Variants in AGTPBP1 observed in about 807,000 individuals in gnomAD.
AGTPBP1 encodes ATP/GTP binding carboxypeptidase 1.
A neutral mutation model predicts 143.9 loss-of-function variants in AGTPBP1; 70 were observed. That is an observed-to-expected ratio of 0.49 (90% CI 0.40 to 0.59). The LOEUF (loss-of-function observed/expected upper bound fraction) is 0.59, where lower values mean the gene tolerates loss of function less well. AGTPBP1 is among the 20% of genes least tolerant of loss of function. The probability of loss-of-function intolerance (pLI) is 0.00; values close to 1 mark genes in which losing one functional copy is unlikely to be tolerated. For missense variants in AGTPBP1, 1,229 were observed against 1,464.5 expected, an observed-to-expected ratio of 0.84 and a Z score of 2.62; for synonymous variants, 463 against 500.2, an observed-to-expected ratio of 0.93 and a Z score of 0.99.
chr9:85,758,237 A>G, the AGTPBP1 span, among the ~76,000 whole-genome samples: 1 of 152,238 alleles, frequency 6.6e-6, no homozygotes, highest in Non-Finnish European at 1.5e-5. Context: ...GAGATAGAAC[A>G]AGAAGCTGAA....
At chr9:85,765,217 T>G in the AGTPBP1 span, 1 of 251,150 alleles carries the variant, frequency 4.0e-6, no homozygotes, top group Non-Finnish European at 7.8e-6. Context: ...GGGTTTCTCG[T>G]CTGAAATCAC....
the AGTPBP1 span, among the ~76,000 whole-genome samples, chr9:85,790,746 T>C: frequency 6.6e-6 from 1 of 152,228 alleles, no homozygotes; most frequent in African/African-American, 2.4e-5. Flanking sequence ...TATGTTCTAC[T>C]GGTTAATTGT....
chr9:85,656,064 T>C (rs1833491045), intron 10 of AGTPBP1, among the ~76,000 whole-genome samples: 1 of 152,198 alleles, frequency 6.6e-6, no homozygotes, highest in African/African-American at 2.4e-5. Context: ...TCTGACCTCG[T>C]GATCCGCCCG....
chr9:85,617,715 A>G (rs1830673735), intron 17 of AGTPBP1, among the ~76,000 whole-genome samples: 1 of 152,188 alleles, frequency 6.6e-6, no homozygotes, highest in Non-Finnish European at 1.5e-5. Context: ...AAACCTCTAG[A>G]GTTAGACTGA....
intron 17 of AGTPBP1, among the ~76,000 whole-genome samples, chr9:85,598,447 A>G (rs1829437958): frequency 6.6e-6 from 1 of 152,166 alleles, no homozygotes; most frequent in South Asian, 2.1e-4. Context: ...TGTTGATTAT[A>G]TTATTCAAAT....
At chr9:85,780,622 G>T in the AGTPBP1 span, among the ~76,000 whole-genome samples, 1 of 151,460 alleles carries the variant, frequency 6.6e-6, no homozygotes, top group African/African-American at 2.4e-5. Context: ...GGTCTAGTTG[G>T]TAGCTACTGC....
At chr9:85,570,822 C>G (rs192641810) in intron 25 of AGTPBP1, among the ~76,000 whole-genome samples, 25 of 152,280 alleles carry the variant, frequency 1.6e-4, no homozygotes, top group African/African-American at 5.5e-4. Flanking sequence ...AAAGCTCCCT[C>G]CCTTTGGATT....
At chr9:85,759,742 G>A in the AGTPBP1 span, among the ~76,000 whole-genome samples, 2 of 152,148 alleles carry the variant, frequency 1.3e-5, no homozygotes, top group African/African-American at 2.4e-5. Context: ...ACATTCAAAA[G>A]CTAGCAGAAG....
chr9:85,693,292 T>A (rs1490953761), intron 2 of AGTPBP1, among the ~76,000 whole-genome samples: 1 of 152,156 alleles, frequency 6.6e-6, no homozygotes, highest in Non-Finnish European at 1.5e-5. Flanking sequence ...TCCCTGTTCC[T>A]ATTTATCATA....
At chr9:85,635,808 T>C (rs535616798) in intron 13 of AGTPBP1, among the ~76,000 whole-genome samples, 10 of 149,862 alleles carry the variant, frequency 6.7e-5, no homozygotes, top group Non-Finnish European at 1.3e-4. Context: ...ATATAGGTCC[T>C]AGAAACACTC....
intron 2 of AGTPBP1, among the ~76,000 whole-genome samples, chr9:85,701,908 A>G (rs1564161635): frequency 6.6e-6 from 1 of 152,226 alleles, no homozygotes; most frequent in Non-Finnish European, 1.5e-5. Context: ...GCCTGTTTTT[A>G]TCTCCTCTTT....
the AGTPBP1 span, chr9:85,781,149 A>G: frequency 6.8e-7 from 1 of 1,461,812 alleles, no homozygotes; most frequent in Non-Finnish European, 9.0e-7. Context: ...CAAAAACATA[A>G]TTTTGCATCA....
At chr9:85,728,098 A>G (rs762959899) in intron 1 of AGTPBP1, among the ~76,000 whole-genome samples, 4 of 151,206 alleles carry the variant, frequency 2.6e-5, no homozygotes, top group Non-Finnish European at 5.9e-5. Context: ...AAGTGACAAG[A>G]TTCTTGGGAA....
intron 17 of AGTPBP1, among the ~76,000 whole-genome samples, chr9:85,601,754 A>C (rs944119615): frequency 6.6e-6 from 1 of 152,102 alleles, no homozygotes. Context: ...GCCCATTTAG[A>C]CCCACTAACA....
chr9:85,753,979 C>T, the AGTPBP1 span, among the ~76,000 whole-genome samples: 1 of 152,118 alleles, frequency 6.6e-6, no homozygotes, highest in African/African-American at 2.4e-5. Flanking sequence ...AAGATTTGGG[C>T]TTCTAATAAT....
intron 2 of AGTPBP1, among the ~76,000 whole-genome samples, chr9:85,709,982 C>T (rs1257144182): frequency 3.3e-5 from 5 of 152,072 alleles, no homozygotes; most frequent in Non-Finnish European, 7.4e-5. Context: ...TCTACCAACC[C>T]TCAAGCCACC....
rs142715147 is a variant in AGTPBP1, at chr9:85,669,477, T to C, written c.662+8A>G. 4.7e-4 allele frequency: 746 copies of C among 1,571,384 alleles called. 4 individuals carry two copies. The African/African-American group carries it at 9.3e-3, about 20-fold the overall frequency. On this transcript the variant is annotated splice_region_variant and intron_variant, in intron 8 of 25. Transcript: ENST00000357081. ...ATACCTATGTTTACATTCAAAACAT[T>C]TACTCACTTTATAAGACTGGAATTC...
the AGTPBP1 span, chr9:85,793,626 G>A: frequency 6.6e-6 from 1 of 152,252 alleles, no homozygotes; most frequent in East Asian, 1.9e-4. Flanking sequence ...AATCAGAAAA[G>A]AAGAATACTA....
intron 18 of AGTPBP1, among the ~76,000 whole-genome samples, chr9:85,594,900 T>G (rs945155123): frequency 6.6e-6 from 1 of 152,242 alleles, no homozygotes; most frequent in African/African-American, 2.4e-5. Context: ...GAATGCTTTT[T>G]GAAAAACATT....
Sources: allele counts gnomAD v4.1 joint callset (sites outside exome capture counted in the v4.1 genomes callset), GRCh38; gene constraint gnomAD v4.1.1; transcripts MANE v1.5; gene names NCBI Gene and HGNC (gene_info 2026-07-23, HGNC 2026-07-21).